PHIP: variants seen among roughly 807,000 people sequenced by gnomAD.
The protein encoded by PHIP is PH-interacting protein.
PHIP carries 54 observed loss-of-function variants against 236.8 expected under a neutral mutation model. The ratio of observed to expected loss-of-function variants is 0.23; its 90% CI spans 0.18 to 0.29. The LOEUF is 0.29. Among genes scored for constraint, PHIP ranks in the 10% least tolerant of loss-of-function variants. The pLI is 1.00. For missense variants in PHIP, 1,370 were observed against 2,190.8 expected (o/e 0.63, Z 7.48); for synonymous variants, 756 against 718.9 (o/e 1.05, Z -0.83).
intron 6 of PHIP, among the ~76,000 whole-genome samples, chr6:79,046,459 A>G (rs1334715889): frequency 1.4e-4 from 21 of 152,080 alleles, no homozygotes; most frequent in Admixed American, 1.4e-3. Flanking sequence ...TTCATTGCTT[A>G]TTTCCTGCCT....
In PHIP at chr6:78,937,973, G is replaced by C. The variant is rs1289733855; in HGVS notation, c.*2720C>G. On this transcript the variant is annotated 3_prime_UTR_variant, in exon 40 of 40. Coordinates refer to ENST00000275034, the MANE Select transcript of PHIP (RefSeq NM_017934.7). The stretch of plus-strand genomic sequence containing the variant: ...TCAGTAAATTGGAGATGTTTTTATT[G>C]CTTACCTAAGACAACTGCCAATATT... 6.6e-6 allele frequency: 1 copy of C among 151,518 alleles called. No homozygotes were observed. The highest frequency in any genetic ancestry group is 1.5e-5 in the Non-Finnish European group (1 of 67,576). 9.4% of individuals were successfully genotyped at this position (151,518 alleles called of 1,614,324 possible).
chr6:78,981,585 T>C (rs1233616672), intron 23 of PHIP, among the ~76,000 whole-genome samples: 15 of 151,990 alleles, frequency 9.9e-5, no homozygotes, highest in Non-Finnish European at 1.9e-4. Context: ...GGTATTAGTT[T>C]GAGGAAAATT....
At position 78,941,088 on chromosome 6, in the gene PHIP, T is replaced by C; in HGVS notation, c.5071A>G (p.Thr1691Ala). Residue 1691 changes from threonine (T) to alanine (A), a missense_variant, in exon 40 of 40, where the codon ACA becomes GCA. This residue lies in a region of PHIP where 309 missense variants were observed against 328.3 expected (regional missense o/e 0.94). Transcript: ENST00000275034. ...PIRDEVLPSS[T>A]CNFLSETNNV... ...TTAGTTTCAGAAAGAAAATTGCATG[T>C]TGAAGAAGGAAGTACTTCATCTCTG... The C allele has an allele frequency of 1.2e-6, 2 of 1,614,106 alleles. No individual in the cohort carries two copies. The highest frequency in any genetic ancestry group is 1.3e-5 in the African/African-American group (1 of 75,054).
At chr6:78,970,718 C>T (rs1014915740) in intron 25 of PHIP, 63 bp downstream of exon 25, 17 of 1,058,528 alleles carry the variant, frequency 1.6e-5, no homozygotes, top group Non-Finnish European at 2.3e-5. Context: ...ACCTTTGATA[C>T]AATTTTCTCC....
chr6:79,004,805 C>A (rs1394158709), intron 15 of PHIP, among the ~76,000 whole-genome samples: 1 of 152,064 alleles, frequency 6.6e-6, no homozygotes, highest in Non-Finnish European at 1.5e-5. Flanking sequence ...AAGGTAGTAA[C>A]TTTCTTTCTT....
At chr6:79,024,257 TA>T (rs1771275170) in intron 9 of PHIP, among the ~76,000 whole-genome samples, 1 of 152,212 alleles carries the variant, frequency 6.6e-6, no homozygotes, top group Non-Finnish European at 1.5e-5. Context: ...CTACTGTTTT[TA>T]AAATAACAAA....
intron 21 of PHIP, among the ~76,000 whole-genome samples, chr6:78,986,128 T>C (rs1312272767): frequency 6.6e-6 from 1 of 152,224 alleles, no homozygotes; most frequent in Non-Finnish European, 1.5e-5. Context: ...ATTTATGTTT[T>C]ATTTATTATA....
intron 4 of PHIP, among the ~76,000 whole-genome samples, chr6:79,065,828 A>T (rs1017047450): frequency 6.6e-6 from 1 of 151,666 alleles, no homozygotes; most frequent in Admixed American, 6.6e-5. Flanking sequence ...AATATTTTTT[A>T]AAATAAAACA....
rs536988268 is a variant in PHIP, at chr6:79,024,332, G to T, written c.923+1187C>A. On this transcript the variant is annotated intron_variant, in intron 9 of 39. Coordinates refer to ENST00000275034, the MANE Select transcript of PHIP (RefSeq NM_017934.7). ...GTTGCTAATTTATACATAGCAGTCA[G>T]AGATAATTACTGATATATACCTTCT... Among the ~76,000 whole-genome samples the T allele has an allele frequency of 4.3e-4, 66 of 152,106 alleles. 3 individuals are homozygous for T. Among genetic ancestry groups the T allele is most frequent in the Non-Finnish European group, 2.8e-4 (19 of 68,028 alleles).
At chr6:79,038,628 A>G (rs1368063902) in intron 7 of PHIP, among the ~76,000 whole-genome samples, 1 of 148,490 alleles carries the variant, frequency 6.7e-6, no homozygotes, top group Non-Finnish European at 1.5e-5. Flanking sequence ...CCTCTCAGGC[A>G]GCTTCTCTGT....
chr6:79,075,031 A>C (rs1774079861), intron 4 of PHIP, among the ~76,000 whole-genome samples: 1 of 152,150 alleles, frequency 6.6e-6, no homozygotes, highest in Admixed American at 6.5e-5. Context: ...TCAACAAGTA[A>C]TTTTCAAATC....
At chr6:79,022,032 A>G (rs980822142) in intron 9 of PHIP, among the ~76,000 whole-genome samples, 1 of 152,210 alleles carries the variant, frequency 6.6e-6, no homozygotes, top group Admixed American at 6.5e-5. Context: ...AAATTAAAAA[A>G]TAAAAAGATT....
At chr6:79,074,584 A>C (rs1774058860) in intron 4 of PHIP, among the ~76,000 whole-genome samples, 1 of 152,148 alleles carries the variant, frequency 6.6e-6, no homozygotes, top group Non-Finnish European at 1.5e-5. Flanking sequence ...CATAGTACCA[A>C]AAACAACTTT....
At chr6:78,962,416 G>T (rs946022) in intron 30 of PHIP, among the ~76,000 whole-genome samples, 68,257 of 151,928 alleles carry the variant, frequency 0.45, 15,996 homozygotes, top group East Asian at 0.69. Context: ...ATTTAAGGTA[G>T]TATTTATAAG....
At chr6:79,051,969 C>CATT (rs771433262) in intron 6 of PHIP, among the ~76,000 whole-genome samples, 27 of 151,636 alleles carry the variant, frequency 1.8e-4, no homozygotes, top group Non-Finnish European at 3.1e-4. Flanking sequence ...AGTCAACAAA[C>CATT]ATTTATAGAG....
At chr6:79,051,970 A>C (rs1772817353) in intron 6 of PHIP, among the ~76,000 whole-genome samples, 1 of 152,064 alleles carries the variant, frequency 6.6e-6, no homozygotes, top group South Asian at 2.1e-4. Context: ...GTCAACAAAC[A>C]TTTATAGAGC....
At position 78,990,999 on chromosome 6, in the gene PHIP, G is replaced by T; in HGVS notation, c.2202-14C>A. ...TCTTCTTGCCTACTGAAAGACAAAA[G>T]CCATATGCATTAATCTAGAATTTTA... On this transcript the variant is annotated splice_polypyrimidine_tract_variant and intron_variant, in intron 19 of 39. Coordinates refer to ENST00000275034, the MANE Select transcript of PHIP (RefSeq NM_017934.7). 1 of 1,473,246 alleles carries T rather than the reference G, an allele frequency of 6.8e-7. No individual in the cohort carries two copies. The highest frequency in any genetic ancestry group is 1.7e-4 in the Middle Eastern group (1 of 5,798). 91.3% of individuals were successfully genotyped at this position (1,473,246 alleles called of 1,614,324 possible).
At chr6:79,020,652 T>C (rs968674362) in intron 9 of PHIP, among the ~76,000 whole-genome samples, 7 of 152,104 alleles carry the variant, frequency 4.6e-5, no homozygotes, top group Admixed American at 2.6e-4. Flanking sequence ...TTTTAAAAGG[T>C]TTTTATTTTA....
At chr6:79,058,368 T>TGTCA (rs138606807) in intron 6 of PHIP, among the ~76,000 whole-genome samples, 3,194 of 152,212 alleles carry the variant, frequency 0.021, 109 homozygotes, top group African/African-American at 0.072. Flanking sequence ...CCTCTCTCCT[T>TGTCA]GTCAGCAGTA....
Sources: allele counts gnomAD v4.1 joint callset (sites outside exome capture counted in the v4.1 genomes callset), GRCh38; gene constraint gnomAD v4.1.1; regional missense constraint gnomAD v4.1.1; transcripts MANE v1.5; gene names NCBI Gene and HGNC (gene_info 2026-07-23, HGNC 2026-07-21).